The following DNM2 variants were observed in gnomAD, a reference collection of about 807,000 sequenced individuals.
DNM2 encodes dynamin 2, also known as dynamin-2.
Under a neutral mutation model 99.0 loss-of-function variants are expected in DNM2, and 15 were observed. The observed-to-expected ratio is 0.15, with a 90% CI of 0.10 to 0.23. DNM2 has a LOEUF of 0.23. DNM2 is among the 10% of genes least tolerant of loss of function. The pLI, the probability that DNM2 is intolerant of heterozygous loss-of-function variation, is 1.00. For synonymous variants in DNM2, 525 were observed against 481.2 expected, an observed-to-expected ratio of 1.09 and a Z score of -1.19; for missense variants, 742 against 1,189.4, an observed-to-expected ratio of 0.62 and a Z score of 5.53.
chr19:10,722,652 G>C (rs2068977196), intron 1 of DNM2, among the ~76,000 whole-genome samples: 1 of 151,328 alleles, frequency 6.6e-6, no homozygotes. Context: ...CTGAGATAGG[G>C]TCTTATACTG....
intron 13 of DNM2, among the ~76,000 whole-genome samples, chr19:10,806,785 T>G (rs577335655): frequency 6.6e-6 from 1 of 152,252 alleles, no homozygotes; most frequent in South Asian, 2.1e-4. Flanking sequence ...AGGGCCAGAC[T>G]CTGTCTCCAA....
chr19:10,814,048 G>C (rs957774568), intron 15 of DNM2, among the ~76,000 whole-genome samples: 1 of 152,106 alleles, frequency 6.6e-6, no homozygotes, highest in Non-Finnish European at 1.5e-5. Context: ...TGTAATCCTA[G>C]TTACTTGGGG....
intron 18 of DNM2, among the ~76,000 whole-genome samples, chr19:10,826,159 A>G (rs540627633): frequency 4.6e-5 from 7 of 152,176 alleles, no homozygotes; most frequent in African/African-American, 1.7e-4. Flanking sequence ...CATCAAGTCC[A>G]CTAACTGGAG....
In DNM2 at chr19:10,798,433, C is replaced by T. The variant is rs2072017781; in HGVS notation, c.1336-53C>T. 13 of 1,554,682 alleles carry T rather than the reference C, an allele frequency of 8.4e-6. No homozygotes were observed. In the Admixed American group the frequency reaches 2.2e-4, roughly 26 times the overall value. On this transcript the variant is annotated intron_variant, in intron 10 of 20. Transcript: ENST00000389253. ...TTTTCTACCTGTGTGGTTCATGTTG[C>T]TTCCCGTGCCACGAGGACCCCGCCA...
rs1216414705 is a variant in DNM2 at position 10,811,951 on chromosome 19, C to T, written c.1558-313C>T. 2 of 461,510 alleles carry T rather than the reference C, an allele frequency of 4.3e-6. No individual in the cohort carries two copies. The highest frequency in any genetic ancestry group is 4.7e-5 in the Admixed American group (2 of 42,324). The allele number at this position is 461,510 out of a possible 1,614,324, so 28.6% of individuals were successfully genotyped here. Reference sequence around the variant, plus strand: ...TTCCTCAGATGTCACATTTCATGTGCCACAGCCCCACACACAAGCCCCAGG... The same window carrying T: ...TTCCTCAGATGTCACATTTCATGTGTCACAGCCCCACACACAAGCCCCAGG... On this transcript the variant is annotated intron_variant, in intron 14 of 20. Transcript: ENST00000389253. This position sits in a 1 kb window ranked among gnomAD's most constrained non-coding sequence, Gnocchi z 5.4.
rs1018300844 is a variant in DNM2 at position 10,828,854 on chromosome 19, G to A, written c.2059-182G>A. 16 of 628,806 alleles carry A rather than the reference G, an allele frequency of 2.5e-5. No homozygotes were observed. In the African/African-American group the frequency reaches 2.9e-4, roughly 11 times the overall value. The allele number at this position is 628,806 out of a possible 1,614,324, so 39.0% of individuals were successfully genotyped here. A position where few individuals can be genotyped will look rare whatever the true frequency, so the allele number is the denominator to read the frequency against. ...GCAGGATAATTACTTGAACCCGGGA[G>A]GCGGAGGTTGCAGTGAGCTGAAATT... is the stretch of plus-strand genomic sequence containing the variant. On this transcript the variant is annotated intron_variant, in intron 18 of 20. Coordinates refer to ENST00000389253, the MANE Select transcript of DNM2 (RefSeq NM_001005361.3).
rs1277448154 is a variant in DNM2 at position 10,817,247 on chromosome 19, C to T, written c.1672-2733C>T. 2.0e-5 allele frequency among the ~76,000 whole-genome samples: 3 copies of T among 152,190 alleles called. No homozygotes were observed. Among genetic ancestry groups the T allele is most frequent in the African/African-American group, 7.2e-5 (3 of 41,444 alleles). On this transcript the variant is annotated intron_variant, in intron 15 of 20. Transcript: ENST00000389253. This position sits in a 1 kb window ranked among gnomAD's most constrained non-coding sequence, Gnocchi z 4.6. The stretch of plus-strand genomic sequence containing the variant: ...GGCAGACTGATAGGGCCAGGGCCTC[C>T]AACCCCTCGGCCGGCCTCGGGGCTC...
intron 1 of DNM2, among the ~76,000 whole-genome samples, chr19:10,724,200 C>T (rs190123691): frequency 1.5e-4 from 23 of 151,966 alleles, no homozygotes; most frequent in African/African-American, 4.8e-4. Flanking sequence ...TTCTTTGAGA[C>T]GGAGTCTCAC....
Position 10,730,011 on chromosome 19 carries a change from T to G in DNM2, c.161+11608T>G, listed in dbSNP as rs114943182. On this transcript the variant is annotated intron_variant, in intron 1 of 20. Coordinates refer to ENST00000389253, the MANE Select transcript of DNM2 (RefSeq NM_001005361.3). ...CTGAGTACCTGGGACAACAACCACA[T>G]GCCACCACGCCCAACTAATGTTTAT... Among the ~76,000 whole-genome samples the G allele has an allele frequency of 6.8e-3, 1,040 of 152,166 alleles. 7 individuals carry two copies. Among genetic ancestry groups the G allele is most frequent in the African/African-American group, 0.024 (979 of 41,538 alleles).
intron 11 of DNM2, among the ~76,000 whole-genome samples, chr19:10,799,471 C>T (rs560147428): frequency 1.0e-3 from 152 of 151,648 alleles, no homozygotes; most frequent in Non-Finnish European, 1.8e-3. Context: ...GGATGGAGCA[C>T]AGCAAGGACC....
intron 1 of DNM2, among the ~76,000 whole-genome samples, chr19:10,739,174 AAAAT>A (rs1014270590): frequency 1.4e-4 from 22 of 152,180 alleles, no homozygotes; most frequent in Admixed American, 1.3e-3. Context: ...CTCCGTCTCA[AAAAT>A]AAATAAATAA....
chr19:10,808,422 C>T (rs1311593310), intron 13 of DNM2, 147 bp from the exon 14 acceptor site: 13 of 724,942 alleles, frequency 1.8e-5, no homozygotes, highest in African/African-American at 5.4e-5. Context: ...AATTTTTTTT[C>T]TTTTGCTGTT....
At chr19:10,773,610 G>A (rs1414517384) in intron 3 of DNM2, among the ~76,000 whole-genome samples, 2 of 151,702 alleles carry the variant, frequency 1.3e-5, no homozygotes, top group African/African-American at 2.4e-5. Context: ...CACCCTGCCT[G>A]GCTAATTTTT....
intron 1 of DNM2, among the ~76,000 whole-genome samples, chr19:10,738,608 T>G (rs570932944): frequency 1.3e-5 from 2 of 151,334 alleles, no homozygotes; most frequent in Non-Finnish European, 2.9e-5. Flanking sequence ...ACGCCTGTGA[T>G]CCCAGCACTT....
In DNM2 at chr19:10,830,401, C is replaced by T; in HGVS notation, c.2543+23C>T. 1 of 1,602,588 alleles carries T rather than the reference C, an allele frequency of 6.2e-7. No individual in the cohort carries two copies. On this transcript the variant is annotated intron_variant, in intron 20 of 20. Transcript: ENST00000389253. This position sits in a 1 kb window ranked among gnomAD's most constrained non-coding sequence, Gnocchi z 4.8. ...CAGGTAAGGCCAACCCCCTGCCCTC[C>T]ACCCCAACTGCCTGCACCCTGGGGT...
intron 1 of DNM2, among the ~76,000 whole-genome samples, chr19:10,740,672 C>T (rs61222520): frequency 0.1 from 15,602 of 152,206 alleles, 1,237 homozygotes; most frequent in East Asian, 0.37. Context: ...CCACCGCGCC[C>T]GGCCAAAATC....
At chr19:10,759,943 G>A in intron 2 of DNM2, 132 bp downstream of exon 2, 4 of 1,292,382 alleles carry the variant, frequency 3.1e-6, no homozygotes, top group Non-Finnish European at 3.4e-6. Flanking sequence ...TTCCACATGT[G>A]TGAGGAAATT....
At chr19:10,798,324 C>G (rs945791820) in intron 10 of DNM2, 162 bp from the exon 11 acceptor site, 2 of 658,006 alleles carry the variant, frequency 3.0e-6, no homozygotes, top group South Asian at 1.7e-5. Context: ...CTGCTCTTAG[C>G]TCCCAGCTGG....
At chr19:10,729,560 C>T (rs368750202) in intron 1 of DNM2, among the ~76,000 whole-genome samples, 2 of 152,104 alleles carry the variant, frequency 1.3e-5, no homozygotes, top group South Asian at 2.1e-4. Flanking sequence ...CGCACACACC[C>T]GGCCCGCTGA....
Sources: gnomAD v4.1 joint callset for allele counts (sites outside exome capture counted in the v4.1 genomes callset) on GRCh38, gnomAD v4.1.1 for gene constraint, Gnocchi (gnomAD v3.1) non-coding constraint, MANE v1.5 for transcripts, NCBI Gene and HGNC (gene_info 2026-07-23, HGNC 2026-07-21) for gene names.